Variants in CLYBL observed in about 807,000 individuals in gnomAD.
CLYBL encodes citramalyl-CoA lyase, mitochondrial.
Under a neutral mutation model 38.9 loss-of-function variants are expected in CLYBL, and 31 were observed. That is an observed-to-expected ratio of 0.80 (90% confidence interval 0.60 to 1.08). The LOEUF is 1.08. Among genes scored for constraint, CLYBL ranks in the 50% least tolerant of loss-of-function variants. The pLI, the probability that CLYBL is intolerant of heterozygous loss-of-function variation, is 0.00. For missense variants in CLYBL, 434 were observed against 411.6 expected, an observed-to-expected ratio of 1.05 and a Z score of -0.47; for synonymous variants, 171 against 158.6, an observed-to-expected ratio of 1.08 and a Z score of -0.59.
At position 99,871,010 on chromosome 13, in the gene CLYBL, A is replaced by G. The variant is rs1171768101; in HGVS notation, c.875A>G (p.Lys292Arg). ...EQFSPSPEKIKWAEELIAAFK... is the reference protein window; with the variant it reads ...EQFSPSPEKIRWAEELIAAFK... ...TTTTCTCCTTCCCCTGAAAAAATTAAGTGGGCTGAAGAACTGATTGCTGCC... is the reference window on the plus strand; with the variant it reads ...TTTTCTCCTTCCCCTGAAAAAATTAGGTGGGCTGAAGAACTGATTGCTGCC... Residue 292 changes from lysine (K) to arginine (R), a missense_variant, in exon 7 of 9, where the codon AAG becomes AGG. Coordinates refer to ENST00000339105, the MANE Select transcript of CLYBL (RefSeq NM_206808.5). The G allele has an allele frequency of 1.9e-6, 3 of 1,613,948 alleles. No homozygotes were observed. The highest frequency in any genetic ancestry group is 2.2e-5 in the East Asian group (1 of 44,880).
chr13:99,615,790 A>G (rs957906332), intron 1 of CLYBL, among the ~76,000 whole-genome samples: 9 of 151,982 alleles, frequency 5.9e-5, no homozygotes, highest in Non-Finnish European at 1.2e-4. Context: ...CCTCCCTACC[A>G]TAAACCAGGT....
At chr13:99,680,163 T>C (rs1250685820) in intron 1 of CLYBL, among the ~76,000 whole-genome samples, 1 of 152,162 alleles carries the variant, frequency 6.6e-6, no homozygotes, top group East Asian at 1.9e-4. Flanking sequence ...TGACAGCAAA[T>C]GAAAAGCATT....
intron 1 of CLYBL, among the ~76,000 whole-genome samples, chr13:99,701,921 C>T (rs774327022): frequency 6.6e-6 from 1 of 152,116 alleles, no homozygotes; most frequent in East Asian, 1.9e-4. Flanking sequence ...ATCTGCCCAT[C>T]TTGGCCTCCC....
chr13:99,644,502 G>C (rs1185881841), intron 1 of CLYBL, among the ~76,000 whole-genome samples: 2 of 152,082 alleles, frequency 1.3e-5, no homozygotes, highest in Non-Finnish European at 2.9e-5. Flanking sequence ...TCATTTCTTT[G>C]TGTTTCAAAC....
rs1283684987 is a variant in CLYBL, at chr13:99,721,035, A to G, written c.63-51789A>G. The stretch of plus-strand genomic sequence containing the variant: ...CCCCGCATCCATTCTGTAGTTCCCT[A>G]ATTCTTTTTTTTTTTTTTTCTTTTT... On this transcript the variant is annotated intron_variant, in intron 1 of 8. Transcript: ENST00000339105. Among the ~76,000 whole-genome samples, 4 of 145,320 alleles carry G rather than the reference A, an allele frequency of 2.8e-5. No homozygotes were observed. In the East Asian group the frequency reaches 7.9e-4, roughly 29 times the overall value.
chr13:99,869,766 T>C lies in CLYBL; in HGVS notation c.803-1172T>C, dbSNP rs2051837398. ...TATAAAACATCAAGGATATAATTTC[T>C]ACTGTCTAAATGTTAAAATAACTAT... is the stretch of plus-strand genomic sequence containing the variant. On this transcript the variant is annotated intron_variant, in intron 6 of 8. Coordinates refer to ENST00000339105, the MANE Select transcript of CLYBL (RefSeq NM_206808.5). The surrounding 1 kb of genome is among the most constrained non-coding windows in gnomAD (Gnocchi z 4.3). 6.6e-6 allele frequency among the ~76,000 whole-genome samples: 1 copy of C among 152,128 alleles called. No individual in the cohort carries two copies.
At chr13:99,628,953 A>G (rs2046906415) in intron 1 of CLYBL, among the ~76,000 whole-genome samples, 1 of 152,214 alleles carries the variant, frequency 6.6e-6, no homozygotes, top group Admixed American at 6.5e-5. Context: ...TTGAAAAAAA[A>G]TTGACTATGG....
chr13:99,675,499 C>G (rs1285075239), intron 1 of CLYBL, among the ~76,000 whole-genome samples: 1 of 152,084 alleles, frequency 6.6e-6, no homozygotes, highest in Non-Finnish European at 1.5e-5. Context: ...CAAAAGAAAC[C>G]CTGTTCCCAT....
intron 1 of CLYBL, among the ~76,000 whole-genome samples, chr13:99,702,547 G>A (rs781542926): frequency 3.9e-4 from 59 of 151,140 alleles, no homozygotes; most frequent in African/African-American, 1.4e-3. Context: ...CAGGAGAGTC[G>A]CTTGAACCTG....
intron 1 of CLYBL, among the ~76,000 whole-genome samples, chr13:99,660,896 G>T (rs1213945048): frequency 1.3e-5 from 2 of 151,924 alleles, no homozygotes; most frequent in Non-Finnish European, 2.9e-5. Context: ...GAATGCTTCC[G>T]ATTTTTTCCA....
chr13:99,716,787 C>CTTTTTTTTT lies in CLYBL; in HGVS notation c.63-56024_63-56016dup, dbSNP rs1260332084. On this transcript the variant is annotated intron_variant, in intron 1 of 8. Transcript: ENST00000339105. ...CTCTTACTTTAATTTCTTTTCTTTT[C>CTTTTTTTTT]TTTTTTTTTTTTTTTTTTTTTGAGA... Among the ~76,000 whole-genome samples the CTTTTTTTTT allele has an allele frequency of 1.9e-3, 193 of 100,894 alleles. 2 individuals are homozygous for CTTTTTTTTT. Among genetic ancestry groups the CTTTTTTTTT allele is most frequent in the African/African-American group, 5.8e-3 (153 of 26,236 alleles). The allele number at this position is 100,894 out of a possible 152,430, so 66.2% of individuals were successfully genotyped here. A position where few individuals can be genotyped will look rare whatever the true frequency, so the allele number is the denominator to read the frequency against.
chr13:99,722,732 A>G (rs117513075), intron 1 of CLYBL, among the ~76,000 whole-genome samples: 4,445 of 152,298 alleles, frequency 0.029, 118 homozygotes, highest in Non-Finnish European at 0.045. Context: ...ATGAAAAGAG[A>G]ATAGGGCTTC....
chr13:99,772,676 G>A (rs1174275928), intron 1 of CLYBL, 148 bp from the exon 2 acceptor site: 3 of 653,134 alleles, frequency 4.6e-6, no homozygotes, highest in Admixed American at 3.6e-5. Context: ...CAAACTGGGC[G>A]ACAGAGCAAG....
intron 1 of CLYBL, among the ~76,000 whole-genome samples, chr13:99,702,669 C>T (rs184001951): frequency 2.0e-5 from 3 of 151,534 alleles, no homozygotes; most frequent in Admixed American, 2.0e-4. Flanking sequence ...AAAATGAAGG[C>T]TCATGCAGAA....
intron 2 of CLYBL, among the ~76,000 whole-genome samples, chr13:99,821,219 C>T (rs551771279): frequency 3.3e-5 from 5 of 152,200 alleles, no homozygotes; most frequent in African/African-American, 1.2e-4. Context: ...TCCAAACTTA[C>T]CATTTTCAGG....
chr13:99,771,020 C>CTTTTTTTTTTTTTTT (rs546998940), intron 1 of CLYBL, among the ~76,000 whole-genome samples: 1 of 120,242 alleles, frequency 8.3e-6, no homozygotes, highest in African/African-American at 3.6e-5. Flanking sequence ...ACGCGGGGCC[C>CTTTTTTTTTTTTTTT]TTTTTTTTTT....
chr13:99,880,078 T>A (rs1250025299), intron 7 of CLYBL, among the ~76,000 whole-genome samples: 1 of 137,192 alleles, frequency 7.3e-6, no homozygotes, highest in African/African-American at 2.6e-5. Flanking sequence ...ATTTTTTTTT[T>A]TTTTTTTGAG....
At chr13:99,728,233 A>T (rs2048514367) in intron 1 of CLYBL, among the ~76,000 whole-genome samples, 2 of 151,794 alleles carry the variant, frequency 1.3e-5, no homozygotes, top group African/African-American at 4.8e-5. Flanking sequence ...AATAAATATA[A>T]ACTGGGTACT....
intron 1 of CLYBL, among the ~76,000 whole-genome samples, chr13:99,751,025 C>T (rs9517872): frequency 0.23 from 34,540 of 151,994 alleles, 4,202 homozygotes; most frequent in Non-Finnish European, 0.27. Context: ...AATTGAAGCA[C>T]GGACTCCAAC....
Sources: allele counts gnomAD v4.1 joint callset (sites outside exome capture counted in the v4.1 genomes callset), GRCh38; gene constraint gnomAD v4.1.1; non-coding constraint Gnocchi (gnomAD v3.1); transcripts MANE v1.5; gene names NCBI Gene and HGNC (gene_info 2026-07-23, HGNC 2026-07-21).